Variants in GANAB observed in about 807,000 individuals in gnomAD.
The protein encoded by GANAB is neutral alpha-glucosidase AB.
A neutral mutation model predicts 129.9 loss-of-function variants in GANAB; 35 were observed. The ratio of observed to expected loss-of-function variants is 0.27; its 90% confidence interval spans 0.21 to 0.36. The LOEUF (loss-of-function observed/expected upper bound fraction) is 0.36, where lower values mean the gene tolerates loss of function less well. Ranked by LOEUF, GANAB falls within the 10% of genes least tolerant of loss-of-function variation. GANAB has a pLI of 1.00. For synonymous variants in GANAB, 482 were observed against 451.8 expected (o/e 1.07, Z -0.85); for missense variants, 939 against 1,221.0 (o/e 0.77, Z 3.44).
At position 62,629,874 on chromosome 11, in the gene GANAB, A is replaced by G; in HGVS notation, c.1677T>C (p.Asp559=). The change falls in exon 14 of 24, where the codon GAT becomes GAC. Residue 559 remains aspartate, a synonymous_variant. Transcript: ENST00000356638. The part of the protein sequence containing the change: ...FNGPEVTMLK[D]AQHYGGWEHR... ...GCTCCCAGCCCCCATAATGCTGGGC[A>G]TCCTTGAGCATGGTGACCTCAGGAC... 2 of 1,613,912 alleles carry G rather than the reference A, an allele frequency of 1.2e-6. No individual in the cohort carries two copies. The highest frequency in any genetic ancestry group is 1.7e-6 in the Non-Finnish European group (2 of 1,179,800).
At chr11:62,643,215 T>C (rs1292282700) in intron 1 of GANAB, among the ~76,000 whole-genome samples, 1 of 152,222 alleles carries the variant, frequency 6.6e-6, no homozygotes, top group Non-Finnish European at 1.5e-5. Context: ...TTAATGTCTG[T>C]TAAGAATCAG....
At position 62,625,517 on chromosome 11, in the gene GANAB, G is replaced by A. The variant is rs929255748; in HGVS notation, c.*298C>T. ...CCTAAATAAGGGAAAGAGAAGGGGC[G>A]ACAAGGGCCCTGTGGTTTCCTGGTG... On this transcript the variant is annotated 3_prime_UTR_variant, in exon 24 of 24. Coordinates refer to ENST00000356638, the MANE Select transcript of GANAB (RefSeq NM_198334.3). The A allele has an allele frequency of 2.9e-5, 13 of 450,564 alleles. No homozygotes were observed. The highest frequency in any genetic ancestry group is 6.5e-4 in the Middle Eastern group (1 of 1,542). 27.9% of individuals were successfully genotyped at this position (450,564 alleles called of 1,614,324 possible).
Position 62,625,684 on chromosome 11 carries a change from T to A in GANAB, c.*131A>T. Reference sequence around the variant, plus strand: ...GGTCAGCCCTCTCATCCTGCCCAAATGTTGGCAGAATCTGGGTCTTAGACT... The same window carrying A: ...GGTCAGCCCTCTCATCCTGCCCAAAAGTTGGCAGAATCTGGGTCTTAGACT... On this transcript the variant is annotated 3_prime_UTR_variant, in exon 24 of 24. Transcript: ENST00000356638. 1.5e-6 allele frequency: 1 copy of A among 673,444 alleles called. No individual in the cohort carries two copies. Among genetic ancestry groups the A allele is most frequent in the Non-Finnish European group, 2.7e-6 (1 of 369,998 alleles). The allele number at this position is 673,444 out of a possible 1,614,324, so 41.7% of individuals were successfully genotyped here. A position where few individuals can be genotyped will look rare whatever the true frequency, so the allele number is the denominator to read the frequency against.
At chr11:62,633,673 G>T in intron 5 of GANAB, 159 bp from the exon 6 acceptor site, 1 of 645,230 alleles carries the variant, frequency 1.5e-6, no homozygotes, top group Non-Finnish European at 2.7e-6. Context: ...CCCACAATGA[G>T]CAGATAAGTT....
intron 5 of GANAB, chr11:62,634,501 A>C (rs1244056903): frequency 1.5e-6 from 1 of 681,876 alleles, no homozygotes; most frequent in Non-Finnish European, 2.6e-6. Flanking sequence ...AACCAAAAAA[A>C]ATAAATAAAT....
rs1371857389 is a variant in GANAB, at chr11:62,632,630, A to T, written c.931T>A (p.Leu311Met). ...GCAGCATTGAGCCAGAAGATGCCCA[A>T]GTCGCGATGAGGGTTGTGTGCCAGG... ...VLLAHNPHRD[L>M]GIFWLNAAET... Residue 311 changes from leucine to methionine, a missense_variant, in exon 9 of 24, where the codon TTG becomes ATG. Transcript: ENST00000356638. The T allele has an allele frequency of 6.2e-7, 1 of 1,613,964 alleles. No individual in the cohort carries two copies. The highest frequency in any genetic ancestry group is 2.2e-5 in the East Asian group (1 of 44,892).
chr11:62,638,588 AAGGAAGGAAG>A (rs1944059083), intron 4 of GANAB, among the ~76,000 whole-genome samples: 3 of 208 alleles, frequency 0.014, no homozygotes, highest in African/African-American at 0.038. Context: ...AGGAGGAAGG[AAGGAAGGAAG>A]GAAGGAAGGA....
chr11:62,631,141 C>T lies in GANAB; in HGVS notation c.1039G>A (p.Glu347Lys), dbSNP rs761854118. 6.2e-7 allele frequency: 1 copy of T among 1,605,684 alleles called. No individual in the cohort carries two copies. The highest frequency in any genetic ancestry group is 1.1e-5 in the South Asian group (1 of 90,906). ...CAGCGAACATCTGTCTGTGGGGTCT[C>T]CCCAGAGCCCTGCAGGTAGTCCATC... The part of the protein sequence containing the change: ...KMMDYLQGSG[E>K]TPQTDVRWMS... The change falls in exon 10 of 24, where the codon GAG becomes AAG. Residue 347 changes from glutamate (E) to lysine (K), a missense_variant. Transcript: ENST00000356638.
intron 1 of GANAB, among the ~76,000 whole-genome samples, chr11:62,641,297 T>C (rs542763635): frequency 1.4e-5 from 2 of 147,416 alleles, no homozygotes; most frequent in African/African-American, 5.0e-5. Context: ...TGAGCCAAGA[T>C]TGTGCTACTG....
Position 62,639,371 on chromosome 11 carries a change from A to G in GANAB, c.240T>C (p.His80=), listed in dbSNP as rs766491043. The G allele has an allele frequency of 8.1e-6, 13 of 1,606,190 alleles. No homozygotes were observed. The South Asian group carries it at 1.4e-4, about 18-fold the overall frequency. ...GPDSLTVHLI[H]EVTKVLLVLE... ...TGTCTCTCCTGACCTTGGTGACCTC[A>G]TGGATCAGATGGACCGTGAGGGAAT... Residue 80 remains histidine (H), a synonymous_variant, in exon 3 of 24, where the codon CAT becomes CAC. Transcript: ENST00000356638.
At chr11:62,634,623 G>A in intron 5 of GANAB, 198 bp downstream of exon 5, 1 of 613,416 alleles carries the variant, frequency 1.6e-6, no homozygotes, top group Non-Finnish European at 2.9e-6. Context: ...AGGGACAAAA[G>A]TGACTGCCTC....
chr11:62,633,113 A>C lies in GANAB; in HGVS notation c.719-12T>G. 1 of 1,608,066 alleles carries C rather than the reference A, an allele frequency of 6.2e-7. No homozygotes were observed. The highest frequency in any genetic ancestry group is 8.5e-7 in the Non-Finnish European group (1 of 1,174,668). On this transcript the variant is annotated splice_polypyrimidine_tract_variant and intron_variant, in intron 7 of 23. Coordinates refer to ENST00000356638, the MANE Select transcript of GANAB (RefSeq NM_198334.3). The stretch of plus-strand genomic sequence containing the variant: ...CACAGACATGGGGCCTGGAAGAAAA[A>C]CAAACAAGCTTCAGAGCTTCTGCTT...
chr11:62,627,424 A>T (rs367763666), intron 17 of GANAB, 71 bp from the exon 18 acceptor site: 1 of 835,818 alleles, frequency 1.2e-6, no homozygotes, highest in Non-Finnish European at 2.1e-6. Context: ...TCCTCCAGGA[A>T]CTGGCAATAA....
Position 62,628,834 on chromosome 11 carries a change from A to G in GANAB, c.2115T>C (p.Tyr705=), listed in dbSNP as rs536544220. The change falls in exon 17 of 24, where the codon TAT becomes TAC. Residue 705 remains tyrosine (Y), a synonymous_variant. Coordinates refer to ENST00000356638, the MANE Select transcript of GANAB (RefSeq NM_198334.3). ...DIIRDALGQR[Y]SLLPFWYTLL... ...GGGTGTACCAGAAGGGCAGCAAAGA[A>G]TATCGCTGGCCCAAGGCATCTCGGA... The G allele has an allele frequency of 9.9e-6, 16 of 1,613,930 alleles. No homozygotes were observed. Among genetic ancestry groups the G allele is most frequent in the East Asian group, 8.9e-5 (4 of 44,856 alleles).
intron 1 of GANAB, 54 bp from the exon 2 acceptor site, chr11:62,639,785 C>T (rs1256937014): frequency 8.5e-7 from 1 of 1,169,964 alleles, no homozygotes; most frequent in Non-Finnish European, 1.3e-6. Context: ...AGAAGGGGCC[C>T]CCTTCAAAAG....
intron 6 of GANAB, 46 bp downstream of exon 6, chr11:62,633,399 C>T: frequency 1.3e-6 from 2 of 1,596,696 alleles, no homozygotes; most frequent in Non-Finnish European, 8.6e-7. Context: ...CCCCTCCACC[C>T]TCCCAGCCAG....
In GANAB at chr11:62,625,858, G is replaced by A; in HGVS notation, c.2792C>T (p.Pro931Leu). ...CCAATCAGATGCCACATTGATGCCAGGCTTGCGCAGGACCAACACAGAGGT... is the reference window on the plus strand; with the variant it reads ...CCAATCAGATGCCACATTGATGCCAAGCTTGCGCAGGACCAACACAGAGGT... The part of the protein sequence containing the change: ...PETSVLVLRK[P>L]GINVASDWSI... The change falls in exon 24 of 24, where the codon CCT (proline) becomes CTT (leucine). Residue 931 changes from proline (P) to leucine (L), a missense_variant. Physicochemically the swap from Pro to Leu is moderately conservative, Grantham distance 98. Transcript: ENST00000356638. The A allele has an allele frequency of 1.2e-6, 2 of 1,613,722 alleles. No individual in the cohort carries two copies. Among genetic ancestry groups the A allele is most frequent in the Non-Finnish European group, 8.5e-7 (1 of 1,179,646 alleles).
intron 1 of GANAB, among the ~76,000 whole-genome samples, chr11:62,641,061 G>A (rs1028412258): frequency 4.6e-5 from 7 of 151,884 alleles, no homozygotes; most frequent in Admixed American, 1.3e-4. Flanking sequence ...CATGAAGGCC[G>A]GGCGCAGTGG....
rs546216231 is a variant in GANAB, at chr11:62,644,149, G to A, written c.38+2413C>T. ...AGTAGAGACGGGGTTTCTCTGTGTTGGTCAGGCTGGTCTCGAACTCCCAAC... is the reference window on the plus strand; with the variant it reads ...AGTAGAGACGGGGTTTCTCTGTGTTAGTCAGGCTGGTCTCGAACTCCCAAC... On this transcript the variant is annotated intron_variant, in intron 1 of 23. Transcript: ENST00000356638. 1.2e-4 allele frequency among the ~76,000 whole-genome samples: 18 copies of A among 152,142 alleles called. No individual in the cohort carries two copies. The East Asian group carries it at 3.1e-3, about 26-fold the overall frequency.
Sources: gnomAD v4.1 joint callset for allele counts (sites outside exome capture counted in the v4.1 genomes callset) on GRCh38, gnomAD v4.1.1 for gene constraint, MANE v1.5 for transcripts, NCBI Gene and HGNC (gene_info 2026-07-23, HGNC 2026-07-21) for gene names.